Variants in DMRT1 observed in about 807,000 individuals in gnomAD.
The protein encoded by DMRT1 is doublesex- and mab-3-related transcription factor 1.
Under a neutral mutation model 32.3 loss-of-function variants are expected in DMRT1, and 7 were observed. That is an observed-to-expected ratio of 0.22 (90% CI 0.12 to 0.41). DMRT1 has a LOEUF of 0.41. DMRT1 is among the 10% of genes least tolerant of loss of function. DMRT1 has a pLI of 1.00. For synonymous variants in DMRT1, 278 were observed against 206.1 expected, an observed-to-expected ratio of 1.35 and a Z score of -2.99; for missense variants, 625 against 500.5, an observed-to-expected ratio of 1.25 and a Z score of -2.37.
chr9:880,076 A>G (rs1816670633), intron 2 of DMRT1, among the ~76,000 whole-genome samples: 1 of 152,328 alleles, frequency 6.6e-6, no homozygotes, highest in African/African-American at 2.4e-5. Flanking sequence ...TTGAAGTGAC[A>G]GGCTCACTTA....
intron 4 of DMRT1, among the ~76,000 whole-genome samples, chr9:935,458 G>C (rs558849856): frequency 1.3e-5 from 2 of 152,352 alleles, no homozygotes; most frequent in Admixed American, 1.3e-4. Context: ...GGAGGGGACA[G>C]TTAAGTGGCT....
At chr9:912,472 C>T (rs1386535889) in intron 3 of DMRT1, among the ~76,000 whole-genome samples, 1 of 152,160 alleles carries the variant, frequency 6.6e-6, no homozygotes, top group African/African-American at 2.4e-5. Context: ...AACTAAATTC[C>T]TATTTCCTAA....
intron 1 of DMRT1, chr9:842,924 G>A (rs543833719): frequency 6.6e-6 from 1 of 152,398 alleles, no homozygotes; most frequent in African/African-American, 2.4e-5. Context: ...CGCTAGAGGA[G>A]TCTTCAGGAT....
At chr9:871,811 G>A (rs143747317) in intron 2 of DMRT1, among the ~76,000 whole-genome samples, 1 of 151,170 alleles carries the variant, frequency 6.6e-6, no homozygotes, top group African/African-American at 2.5e-5. Context: ...CATTTCTTTT[G>A]GAAGATGGCC....
Position 968,131 on chromosome 9 carries a change from G to T in DMRT1, c.1114G>T (p.Asp372Tyr). 3.7e-6 allele frequency: 6 copies of T among 1,609,320 alleles called. No homozygotes were observed. The highest frequency in any genetic ancestry group is 5.1e-6 in the Non-Finnish European group (6 of 1,179,786). ...CACAGTCACTCCCGTCATCGAGGAG[G>T]ACGAGTGAGCAGTGCCTGCTGCCGA... ...SFTVTPVIEEDE is the reference protein window; with the variant it reads ...SFTVTPVIEEYE The change falls in exon 5 of 5, where the codon GAC becomes TAC. Residue 372 changes from aspartate to tyrosine, a missense_variant. This residue lies in a region of DMRT1 where 416 missense variants were observed against 321.6 expected (regional missense o/e 1.29). Transcript: ENST00000382276.
intron 4 of DMRT1, among the ~76,000 whole-genome samples, chr9:946,818 G>A (rs537535307): frequency 1.4e-4 from 21 of 152,260 alleles, no homozygotes; most frequent in Admixed American, 9.2e-4. Context: ...TGGGGAATAC[G>A]TCCTTTCTGT....
At chr9:915,188 T>G (rs1229724197) in intron 3 of DMRT1, among the ~76,000 whole-genome samples, 3 of 152,210 alleles carry the variant, frequency 2.0e-5, no homozygotes, top group African/African-American at 4.8e-5. Flanking sequence ...TTTAAAAGAC[T>G]GTCATAAATA....
At chr9:884,367 G>GT (rs1816843648) in intron 2 of DMRT1, among the ~76,000 whole-genome samples, 46 of 84,598 alleles carry the variant, frequency 5.4e-4, no homozygotes, top group African/African-American at 1.5e-3. Flanking sequence ...GCATGTTAGT[G>GT]CAAAAAAAAA....
intron 2 of DMRT1, among the ~76,000 whole-genome samples, chr9:848,266 G>A (rs936400123): frequency 6.6e-6 from 1 of 152,056 alleles, no homozygotes. Flanking sequence ...AAGCTCCCTG[G>A]GCCTTTTTTT....
chr9:888,184 G>A (rs1331864953), intron 2 of DMRT1, among the ~76,000 whole-genome samples: 1 of 152,208 alleles, frequency 6.6e-6, no homozygotes, highest in Non-Finnish European at 1.5e-5. Flanking sequence ...AAGAAAGTCT[G>A]GATGTAAGCC....
intron 3 of DMRT1, among the ~76,000 whole-genome samples, chr9:910,135 A>T (rs1446224216): frequency 6.6e-6 from 1 of 152,150 alleles, no homozygotes; most frequent in Non-Finnish European, 1.5e-5. Flanking sequence ...GCCTCCAGTG[A>T]AGCTGAATGA....
chr9:870,897 A>G (rs1816219161), intron 2 of DMRT1, among the ~76,000 whole-genome samples: 1 of 151,716 alleles, frequency 6.6e-6, no homozygotes, highest in Admixed American at 6.6e-5. Flanking sequence ...GTGTGTATGT[A>G]GAAACAGGGT....
chr9:894,647 G>C (rs1294265571), intron 3 of DMRT1: 1 of 271,778 alleles, frequency 3.7e-6, no homozygotes, highest in Non-Finnish European at 7.1e-6. Flanking sequence ...TAATCTGCGT[G>C]ATGAATTTGC....
chr9:863,260 G>T (rs927819372), intron 2 of DMRT1, among the ~76,000 whole-genome samples: 24 of 150,678 alleles, frequency 1.6e-4, no homozygotes, highest in Non-Finnish European at 3.2e-4. Context: ...CAAGGCTGCA[G>T]TGAACAGTGA....
chr9:846,906 T>G, intron 1 of DMRT1, 54 bp from the exon 2 acceptor site: 1 of 1,609,706 alleles, frequency 6.2e-7, no homozygotes, highest in Non-Finnish European at 8.5e-7. Context: ...TTCTGTGTTT[T>G]GGCAAAGCTG....
At chr9:919,304 TTAAAAA>T (rs1271603898) in intron 4 of DMRT1, among the ~76,000 whole-genome samples, 1 of 151,724 alleles carries the variant, frequency 6.6e-6, no homozygotes, top group African/African-American at 2.4e-5. Flanking sequence ...TTCAGTTTCT[TTAAAAA>T]TAAATTTAAG....
chr9:861,554 C>A (rs929011647), intron 2 of DMRT1, among the ~76,000 whole-genome samples: 2 of 151,606 alleles, frequency 1.3e-5, no homozygotes, highest in African/African-American at 4.9e-5. Flanking sequence ...GTCATCATGG[C>A]CTGTTCTCAA....
intron 2 of DMRT1, among the ~76,000 whole-genome samples, chr9:881,103 C>T (rs1192318202): frequency 1.3e-5 from 2 of 151,056 alleles, no homozygotes; most frequent in Non-Finnish European, 2.9e-5. Context: ...ATGGGGAATT[C>T]TATAGACCCC....
intron 4 of DMRT1, among the ~76,000 whole-genome samples, chr9:932,575 C>G (rs536076894): frequency 6.6e-6 from 1 of 152,108 alleles, no homozygotes; most frequent in Non-Finnish European, 1.5e-5. Flanking sequence ...CTGACACAAA[C>G]TGGGTGTCCT....
Sources: gnomAD v4.1 joint callset for allele counts (sites outside exome capture counted in the v4.1 genomes callset) on GRCh38, gnomAD v4.1.1 for gene constraint, gnomAD v4.1.1 regional missense constraint, MANE v1.5 for transcripts, NCBI Gene and HGNC (gene_info 2026-07-23, HGNC 2026-07-21) for gene names.